PCDHGB4: variants seen among roughly 807,000 people sequenced by gnomAD.
The protein encoded by PCDHGB4 is protocadherin gamma-B4.
A neutral mutation model predicts 60.5 loss-of-function variants in PCDHGB4; 38 were observed. The observed-to-expected ratio is 0.63, with a 90% CI of 0.48 to 0.82. PCDHGB4 has a LOEUF of 0.82. Ranked by LOEUF, PCDHGB4 falls within the 40% of genes least tolerant of loss-of-function variation. The pLI is 0.00. For missense variants in PCDHGB4, 1,109 were observed against 1,209.6 expected (o/e 0.92, Z 1.23); for synonymous variants, 456 against 509.7 (o/e 0.89, Z 1.42).
chr5:141,414,475 C>T (rs2095752413), intron 1 of PCDHGB4: 1 of 1,613,804 alleles, frequency 6.2e-7, no homozygotes, highest in Non-Finnish European at 8.5e-7. Flanking sequence ...TGGGGGAAGT[C>T]CTCCTCTATC....
At position 141,478,334 on chromosome 5, in the gene PCDHGB4, C is replaced by T. The variant is rs1303200872; in HGVS notation, c.2398-16473C>T. 2.5e-6 allele frequency: 4 copies of T among 1,613,944 alleles called. No individual in the cohort carries two copies. The highest frequency in any genetic ancestry group is 3.4e-6 in the Non-Finnish European group (4 of 1,180,016). ...GAGCTCACTGTACCGAACACCAGGG[C>T]CCTCCTTGCACGCGGACGCCGTGCG... On this transcript the variant is annotated intron_variant, in intron 1 of 3. Coordinates refer to ENST00000519479, the MANE Select transcript of PCDHGB4 (RefSeq NM_003736.4).
Position 141,486,862 on chromosome 5 carries a change from A to G in PCDHGB4, c.2398-7945A>G. The G allele has an allele frequency of 6.2e-7, 1 of 1,614,256 alleles. No individual in the cohort carries two copies. The highest frequency in any genetic ancestry group is 1.3e-5 in the African/African-American group (1 of 75,078). On this transcript the variant is annotated intron_variant, in intron 1 of 3. Transcript: ENST00000519479. This position sits in a 1 kb window ranked among gnomAD's most constrained non-coding sequence, Gnocchi z 5.0. Reference sequence around the variant, plus strand: ...TGCTGGACCTCAATGACAATGCTCCAGCTGTGCTCCGTCCTCGGGCCCGGC... The same window carrying G: ...TGCTGGACCTCAATGACAATGCTCCGGCTGTGCTCCGTCCTCGGGCCCGGC...
Position 141,432,849 on chromosome 5 carries a change from T to G in PCDHGB4, c.2397+42568T>G. The G allele has an allele frequency of 1.2e-6, 2 of 1,614,194 alleles. No homozygotes were observed. The highest frequency in any genetic ancestry group is 2.2e-5 in the South Asian group (2 of 91,092). ...CTCACTCTGTACCTGGTGGTAGCGG[T>G]GGCCGCGGTCTCCTGCGTCTTCCTG... On this transcript the variant is annotated intron_variant, in intron 1 of 3. Coordinates refer to ENST00000519479, the MANE Select transcript of PCDHGB4 (RefSeq NM_003736.4). This position sits in a 1 kb window ranked among gnomAD's most constrained non-coding sequence, Gnocchi z 6.0.
chr5:141,450,815 A>AT (rs1554136868), intron 1 of PCDHGB4, among the ~76,000 whole-genome samples: 4,329 of 126,688 alleles, frequency 0.034, 70 homozygotes, highest in Middle Eastern at 0.091. Flanking sequence ...TATTTATTTA[A>AT]TATTATTATT....
intron 1 of PCDHGB4, chr5:141,403,949 G>T: frequency 1.2e-6 from 2 of 1,613,886 alleles, no homozygotes; most frequent in Non-Finnish European, 1.7e-6. Flanking sequence ...GTGGACAAAA[G>T]TGCTCATTTC....
chr5:141,489,174 C>A lies in PCDHGB4; in HGVS notation c.2398-5633C>A. On this transcript the variant is annotated intron_variant, in intron 1 of 3. Coordinates refer to ENST00000519479, the MANE Select transcript of PCDHGB4 (RefSeq NM_003736.4). The surrounding 1 kb of genome is among the most constrained non-coding windows in gnomAD (Gnocchi z 4.5). ...ATAAGAGACTTCAGCTGCTGCATTC[C>A]AAGCCCTGGGTCTACCTTGGAGACA... The A allele has an allele frequency of 8.2e-7, 1 of 1,224,772 alleles. No individual in the cohort carries two copies. 75.9% of individuals were successfully genotyped at this position (1,224,772 alleles called of 1,614,324 possible).
intron 1 of PCDHGB4, chr5:141,393,452 GGCCTCGGATGGCGGCAAGCC>G: frequency 6.2e-7 from 1 of 1,614,030 alleles, no homozygotes; most frequent in Admixed American, 1.7e-5. Context: ...TGGTCCTCAC[GGCCTCGGATGGCGGCAAGCC>G]GCCTCGCTCT....
intron 1 of PCDHGB4, among the ~76,000 whole-genome samples, chr5:141,455,899 ATTT>A (rs1561962776): frequency 1.3e-5 from 2 of 148,258 alleles, no homozygotes; most frequent in Non-Finnish European, 3.0e-5. Flanking sequence ...TTATTTATTT[ATTT>A]ATTTATTTAT....
At chr5:141,443,054 A>G (rs1591749542) in intron 1 of PCDHGB4, among the ~76,000 whole-genome samples, 1 of 152,218 alleles carries the variant, frequency 6.6e-6, no homozygotes. Flanking sequence ...TTATTGTTCC[A>G]CTGAAGAGCG....
At chr5:141,391,886 A>C (rs2092436812) in intron 1 of PCDHGB4, 1 of 152,206 alleles carries the variant, frequency 6.6e-6, no homozygotes, top group Non-Finnish European at 1.5e-5. Flanking sequence ...GGTGAAAGGG[A>C]TGGGATGGAG....
intron 1 of PCDHGB4, chr5:141,402,790 A>G: frequency 1.0e-6 from 1 of 961,364 alleles, no homozygotes; most frequent in Non-Finnish European, 1.5e-6. Flanking sequence ...TTCTGCGGCT[A>G]CACAAAACCC....
In PCDHGB4 at chr5:141,486,645, C is replaced by G. The variant is rs369948556; in HGVS notation, c.2398-8162C>G. ...GACTCTGGCTTGAATGCGCTTATCT[C>G]CTACTCACTCCTGGAGCCCAGGAAT... On this transcript the variant is annotated intron_variant, in intron 1 of 3. Coordinates refer to ENST00000519479, the MANE Select transcript of PCDHGB4 (RefSeq NM_003736.4). The surrounding 1 kb of genome is among the most constrained non-coding windows in gnomAD (Gnocchi z 5.0). 4.3e-6 allele frequency: 7 copies of G among 1,613,752 alleles called. No individual in the cohort carries two copies. The Admixed American group carries it at 6.7e-5, about 15-fold the overall frequency.
chr5:141,411,001 C>G lies in PCDHGB4; in HGVS notation c.2397+20720C>G, dbSNP rs2095456042. 1.8e-5 allele frequency: 3 copies of G among 168,822 alleles called. No individual in the cohort carries two copies. The South Asian group carries it at 4.7e-4, about 26-fold the overall frequency. The allele number at this position is 168,822 out of a possible 1,614,324, so 10.5% of individuals were successfully genotyped here. ...CCCAAGTAGCTGGGATTACTGGTGC[C>G]CCTCACCACAGCTAAATTTTTTGTA... On this transcript the variant is annotated intron_variant, in intron 1 of 3. Coordinates refer to ENST00000519479, the MANE Select transcript of PCDHGB4 (RefSeq NM_003736.4).
At chr5:141,418,742 G>GA in intron 1 of PCDHGB4, 1 of 1,613,896 alleles carries the variant, frequency 6.2e-7, no homozygotes, top group Non-Finnish European at 8.5e-7. Flanking sequence ...GTTCTCTCTG[G>GA]ATTACACTAC....
At chr5:141,422,348 A>G (rs1163115969) in intron 1 of PCDHGB4, 1 of 1,554,608 alleles carries the variant, frequency 6.4e-7, no homozygotes, top group Non-Finnish European at 8.7e-7. Context: ...AATGTGCAAG[A>G]TCAAGATTCT....
In PCDHGB4 at chr5:141,415,732, T is replaced by C. The variant is rs1159160519; in HGVS notation, c.2397+25451T>C. 4 of 1,411,138 alleles carry C rather than the reference T, an allele frequency of 2.8e-6. No individual in the cohort carries two copies. In the South Asian group the frequency reaches 5.0e-5, roughly 18 times the overall value. The allele number at this position is 1,411,138 out of a possible 1,614,324, so 87.4% of individuals were successfully genotyped here. ...AACACTGATGAGTAGAATTTGATGT[T>C]TATTAAGGTTTTTTTTTTTTTTTTT... On this transcript the variant is annotated intron_variant, in intron 1 of 3. Coordinates refer to ENST00000519479, the MANE Select transcript of PCDHGB4 (RefSeq NM_003736.4).
At position 141,387,719 on chromosome 5, in the gene PCDHGB4, C is replaced by T. The variant is rs953272587; in HGVS notation, c.-166C>T. The T allele has an allele frequency of 4.5e-6, 5 of 1,115,502 alleles. No homozygotes were observed. In the African/African-American group the frequency reaches 4.7e-5, roughly 11 times the overall value. 69.1% of individuals were successfully genotyped at this position (1,115,502 alleles called of 1,614,324 possible). On this transcript the variant is annotated 5_prime_UTR_variant, in exon 1 of 4. Transcript: ENST00000519479. The stretch of plus-strand genomic sequence containing the variant: ...TTCCAGGGCAGCCCCAGCTCAGACT[C>T]CCCAGCGCCAGCCTTTACACCGCTT...
chr5:141,507,901 G>T (rs1332204823), intron 3 of PCDHGB4, among the ~76,000 whole-genome samples: 1 of 152,216 alleles, frequency 6.6e-6, no homozygotes, highest in Non-Finnish European at 1.5e-5. Flanking sequence ...CTGAAGTCCA[G>T]CCCAGCCAGG....
Position 141,389,140 on chromosome 5 carries a change from C to T in PCDHGB4, c.1256C>T (p.Thr419Ile). Residue 419 changes from threonine to isoleucine, a missense_variant, in exon 1 of 4, where the codon ACC becomes ATC. Around this residue, in one of 2 missense-constraint regions of PCDHGB4, gnomAD observed 1,068 missense variants for 1,089.9 expected, o/e 0.98. Coordinates refer to ENST00000519479, the MANE Select transcript of PCDHGB4 (RefSeq NM_003736.4). ...DREQNPEYNI[T>I]VTATDRGKPP... Reference sequence around the variant, plus strand: ...GAGCAGAATCCAGAGTACAATATAACCGTTACGGCAACAGATCGGGGCAAG... The same window carrying T: ...GAGCAGAATCCAGAGTACAATATAATCGTTACGGCAACAGATCGGGGCAAG... The T allele has an allele frequency of 1.9e-6, 3 of 1,613,996 alleles. No individual in the cohort carries two copies. Among genetic ancestry groups the T allele is most frequent in the Non-Finnish European group, 2.5e-6 (3 of 1,179,864 alleles).
Sources: allele counts gnomAD v4.1 joint callset (sites outside exome capture counted in the v4.1 genomes callset), GRCh38; gene constraint gnomAD v4.1.1; regional missense constraint gnomAD v4.1.1; non-coding constraint Gnocchi (gnomAD v3.1); transcripts MANE v1.5; gene names NCBI Gene and HGNC (gene_info 2026-07-23, HGNC 2026-07-21).